ADAMTS20: variants seen among roughly 807,000 people sequenced by gnomAD.
ADAMTS20 encodes ADAM metallopeptidase with thrombospondin type 1 motif 20.
Under a neutral mutation model 260.1 loss-of-function variants are expected in ADAMTS20, and 225 were observed. That is an observed-to-expected ratio of 0.87 (90% CI 0.78 to 0.97). The LOEUF is 0.97. ADAMTS20 is among the 50% of genes least tolerant of loss of function. The probability of loss-of-function intolerance (pLI) is 0.00; values close to 1 mark genes in which losing one functional copy is unlikely to be tolerated. For synonymous variants in ADAMTS20, 802 were observed against 769.5 expected (o/e 1.04, Z -0.70); for missense variants, 2,400 against 2,337.7 (o/e 1.03, Z -0.55).
intron 14 of ADAMTS20, among the ~76,000 whole-genome samples, chr12:43,447,797 A>G (rs1396720304): frequency 6.6e-6 from 1 of 152,160 alleles, no homozygotes; most frequent in Admixed American, 6.6e-5. Context: ...GCAAATTTGC[A>G]AGATACAAAA....
At chr12:43,375,669 A>C (rs1940210473) in intron 35 of ADAMTS20, among the ~76,000 whole-genome samples, 157 bp from the exon 36 acceptor site, 1 of 152,250 alleles carries the variant, frequency 6.6e-6, no homozygotes, top group African/African-American at 2.4e-5. Context: ...TAAGGTGAAC[A>C]TACAACATTT....
At chr12:43,385,356 T>A (rs1940449404) in intron 29 of ADAMTS20, among the ~76,000 whole-genome samples, 1 of 152,254 alleles carries the variant, frequency 6.6e-6, no homozygotes, top group East Asian at 1.9e-4. Flanking sequence ...TAGCGCTTTG[T>A]CACATGGATA....
chr12:43,482,893 T>A (rs1270835079), intron 7 of ADAMTS20, among the ~76,000 whole-genome samples: 1 of 152,194 alleles, frequency 6.6e-6, no homozygotes, highest in Non-Finnish European at 1.5e-5. Context: ...GTAGGTCAGA[T>A]AACAGATTGT....
intron 37 of ADAMTS20, among the ~76,000 whole-genome samples, chr12:43,367,638 A>T (rs1940016142): frequency 6.6e-6 from 1 of 152,064 alleles, no homozygotes; most frequent in Non-Finnish European, 1.5e-5. Context: ...GAAAACAAGG[A>T]TGTTCACTCT....
chr12:43,448,752 T>C (rs912765410), intron 14 of ADAMTS20, among the ~76,000 whole-genome samples: 1 of 152,084 alleles, frequency 6.6e-6, no homozygotes, highest in Non-Finnish European at 1.5e-5. Context: ...GACAAAGGTC[T>C]ATTATCCAGC....
chr12:43,461,687 G>C (rs1302312426), intron 11 of ADAMTS20, among the ~76,000 whole-genome samples: 1 of 152,010 alleles, frequency 6.6e-6, no homozygotes, highest in Non-Finnish European at 1.5e-5. Flanking sequence ...ACTTCAAAAA[G>C]ATTTTTTTTC....
rs1200544271 is a variant in ADAMTS20 at position 43,428,330 on chromosome 12, G to A, written c.3856C>T (p.Pro1286Ser). Residue 1286 changes from proline (P) to serine (S), a missense_variant, in exon 26 of 39, where the codon CCA becomes TCA. Pro to Ser is a moderately conservative substitution (Grantham distance 74, BLOSUM62 -1). Transcript: ENST00000389420. ...QPSYYLSTNL[P>S]LTQKLEDNEN... ...TTATCTTCAAGTTTTTGAGTTAATG[G>A]CAAATTCGTGCTTAGATAATAGCTT... 31 of 1,613,762 alleles carry A rather than the reference G, an allele frequency of 1.9e-5. No homozygotes were observed. The Admixed American group carries it at 5.2e-4, about 27-fold the overall frequency.
chr12:43,459,492 A>G (rs1171900939), intron 11 of ADAMTS20, among the ~76,000 whole-genome samples: 4 of 152,300 alleles, frequency 2.6e-5, no homozygotes, highest in East Asian at 3.9e-4. Context: ...GCTTGCCGCC[A>G]TCTTGGAAGT....
chr12:43,381,930 T>C (rs546105097), intron 31 of ADAMTS20, among the ~76,000 whole-genome samples: 7 of 152,184 alleles, frequency 4.6e-5, no homozygotes, highest in African/African-American at 1.7e-4. Context: ...AGATACCATT[T>C]CATACATACT....
chr12:43,483,989 C>A (rs890680220), intron 7 of ADAMTS20, among the ~76,000 whole-genome samples: 1 of 152,130 alleles, frequency 6.6e-6, no homozygotes, highest in Non-Finnish European at 1.5e-5. Flanking sequence ...AGACAGTGAA[C>A]CCATAGACCC....
chr12:43,382,815 T>A (rs1383839283), intron 31 of ADAMTS20, among the ~76,000 whole-genome samples: 1 of 142,890 alleles, frequency 7.0e-6, no homozygotes, highest in Non-Finnish European at 1.5e-5. Context: ...ATGAAGATGA[T>A]AATGGCTTAG....
intron 28 of ADAMTS20, among the ~76,000 whole-genome samples, chr12:43,404,519 C>A (rs770524277): frequency 3.9e-5 from 6 of 152,060 alleles, no homozygotes; most frequent in African/African-American, 1.2e-4. Flanking sequence ...TATAAAAAAT[C>A]AAATGAAATT....
intron 2 of ADAMTS20, among the ~76,000 whole-genome samples, chr12:43,537,827 T>C (rs964296882): frequency 6.6e-6 from 1 of 152,196 alleles, no homozygotes; most frequent in East Asian, 1.9e-4. Context: ...TCCATCCCCA[T>C]TGTTAGAAAT....
At chr12:43,395,293 C>A (rs1477170350) in intron 29 of ADAMTS20, among the ~76,000 whole-genome samples, 1 of 151,932 alleles carries the variant, frequency 6.6e-6, no homozygotes, top group Admixed American at 6.6e-5. Context: ...TTCTTAGGAG[C>A]TTTAGGGACT....
chr12:43,480,442 A>T (rs896479175), intron 7 of ADAMTS20, among the ~76,000 whole-genome samples: 3 of 152,138 alleles, frequency 2.0e-5, no homozygotes, highest in African/African-American at 7.2e-5. Context: ...TTCGATATAT[A>T]CCCAGGAGTG....
At chr12:43,542,746 C>T (rs748536643) in intron 2 of ADAMTS20, among the ~76,000 whole-genome samples, 2 of 152,312 alleles carry the variant, frequency 1.3e-5, no homozygotes, top group African/African-American at 4.8e-5. Flanking sequence ...ATTATCAAAA[C>T]TTGATCTGTT....
intron 4 of ADAMTS20, among the ~76,000 whole-genome samples, chr12:43,494,860 T>C (rs1409114297): frequency 2.0e-5 from 3 of 152,224 alleles, no homozygotes; most frequent in African/African-American, 7.2e-5. Context: ...TGGATGCTTT[T>C]CTAAGTCAAA....
intron 31 of ADAMTS20, 67 bp downstream of exon 31, chr12:43,383,491 T>C (rs1940398540): frequency 6.8e-7 from 1 of 1,462,902 alleles, no homozygotes; most frequent in Non-Finnish European, 9.2e-7. Flanking sequence ...GTTTCAGCTG[T>C]GTCAAATTGT....
chr12:43,545,420 T>C (rs1208142939), intron 2 of ADAMTS20, among the ~76,000 whole-genome samples: 1 of 152,330 alleles, frequency 6.6e-6, no homozygotes, highest in South Asian at 2.1e-4. Context: ...AATTTTCATA[T>C]CCATTTTTAT....
Sources: allele counts gnomAD v4.1 joint callset (sites outside exome capture counted in the v4.1 genomes callset), GRCh38; gene constraint gnomAD v4.1.1; transcripts MANE v1.5; gene names NCBI Gene and HGNC (gene_info 2026-07-23, HGNC 2026-07-21).